The following GPR143 variants were observed in gnomAD, a reference collection of about 807,000 sequenced individuals.
GPR143 encodes the protein G protein-coupled receptor 143.
A neutral mutation model predicts 27.6 loss-of-function variants in GPR143; 8 were observed. The ratio of observed to expected loss-of-function variants is 0.29; its 90% CI spans 0.17 to 0.52. GPR143 has a LOEUF of 0.52. Among genes scored for constraint, GPR143 ranks in the 20% least tolerant of loss-of-function variants. The probability of loss-of-function intolerance (pLI) is 0.96; values close to 1 mark genes in which losing one functional copy is unlikely to be tolerated. For synonymous variants in GPR143, 156 were observed against 153.2 expected (o/e 1.02, Z -0.13); for missense variants, 303 against 343.1 (o/e 0.88, Z 0.92).
chrX:9,760,248 C>T (rs1013183737), intron 2 of GPR143, among the ~76,000 whole-genome samples: 11 of 110,529 alleles, frequency 1.0e-4, no homozygotes, highest in Admixed American at 1.9e-4. Context: ...CACACCACCA[C>T]GCCGAGCTAA....
chrX:9,762,985 G>T (rs763207656), intron 1 of GPR143, among the ~76,000 whole-genome samples: 1 of 111,255 alleles, frequency 9.0e-6, no homozygotes, highest in African/African-American at 3.3e-5. Context: ...TGTCACCCAG[G>T]CTGGATCGTA....
chrX:9,739,103 T>C (rs1678307634), intron 8 of GPR143, among the ~76,000 whole-genome samples: 2 of 112,683 alleles, frequency 1.8e-5, no homozygotes, highest in Non-Finnish European at 3.7e-5. Flanking sequence ...TTATTTTTCT[T>C]ACTCCAAATT....
At chrX:9,760,978 G>T in intron 1 of GPR143, 152 bp from the exon 2 acceptor site, 1 of 420,596 alleles carries the variant, frequency 2.4e-6, no homozygotes, top group Non-Finnish European at 4.3e-6. Flanking sequence ...AGAGAGGGAG[G>T]GAAAAAGACA....
upstream of GPR143, among the ~76,000 whole-genome samples, chrX:9,770,357 G>GAGAGAGAGAGAGA (rs1569127506): frequency 6.4e-5 from 6 of 93,786 alleles, no homozygotes; most frequent in African/African-American, 2.4e-4. Context: ...GAGAGAGAGA[G>GAGAGAGAGAGAGA]GAAGACCAGC....
chrX:9,777,807 G>A (rs1009754892), intron 1 of GPR143, among the ~76,000 whole-genome samples: 4 of 105,858 alleles, frequency 3.8e-5, no homozygotes, highest in Non-Finnish European at 5.8e-5. Context: ...AAAAAAAAAG[G>A]GGGCCAGGTG....
At chrX:9,770,824 G>T (rs995756432), upstream of GPR143, among the ~76,000 whole-genome samples, 2 of 112,124 alleles carry the variant, frequency 1.8e-5, no homozygotes, top group African/African-American at 6.5e-5. Context: ...TCCTGAGAAA[G>T]GATTTCAGCT....
intron 1 of GPR143, among the ~76,000 whole-genome samples, chrX:9,773,192 TTGCCTGCCTAAAGACATC>T (rs2083560258): frequency 8.9e-6 from 1 of 112,067 alleles, no homozygotes; most frequent in African/African-American, 3.2e-5. Flanking sequence ...GTTCTCACAT[TTGCCTGCCTAAAGACATC>T]TGTCTGCCTA....
At chrX:9,765,876 A>G (rs1441251889), upstream of GPR143, 1 of 1,001,621 alleles carries the variant, frequency 1.0e-6, no homozygotes, top group Non-Finnish European at 1.3e-6. Context: ...TGCCTGGGTC[A>G]TGTGCTGGGC....
intron 1 of GPR143, among the ~76,000 whole-genome samples, chrX:9,774,901 T>C (rs919068730): frequency 2.7e-5 from 3 of 111,434 alleles, no homozygotes; most frequent in Non-Finnish European, 5.7e-5. Context: ...TCTCGCTCTG[T>C]TGCCCAAGCT....
intron 8 of GPR143, among the ~76,000 whole-genome samples, chrX:9,731,636 T>TA (rs1238239705): frequency 9.0e-6 from 1 of 110,831 alleles, no homozygotes; most frequent in Non-Finnish European, 1.9e-5. Context: ...AATGAGGCAC[T>TA]ATGGGACAGA....
At chrX:9,734,253 G>C (rs2083369283) in intron 8 of GPR143, among the ~76,000 whole-genome samples, 1 of 110,721 alleles carries the variant, frequency 9.0e-6, no homozygotes, top group African/African-American at 3.3e-5. Flanking sequence ...GGGGACTGTG[G>C]GGAAGAATGC....
intron 1 of GPR143, among the ~76,000 whole-genome samples, chrX:9,762,087 AAAAAG>A (rs1212161367): frequency 9.2e-6 from 1 of 108,141 alleles, no homozygotes; most frequent in East Asian, 2.9e-4. Context: ...ACCCTGTGTC[AAAAAG>A]AAAAGAAAAG....
At chrX:9,761,948 G>C (rs1455423685) in intron 1 of GPR143, among the ~76,000 whole-genome samples, 2 of 111,986 alleles carry the variant, frequency 1.8e-5, no homozygotes, top group African/African-American at 6.5e-5. Flanking sequence ...TTAGCTGGAG[G>C]TGGTGGCACG....
intron 8 of GPR143, among the ~76,000 whole-genome samples, chrX:9,728,639 TAAAAAAAAAAAAAA>T (rs57462205): frequency 3.6e-4 from 7 of 19,199 alleles, no homozygotes; most frequent in African/African-American, 7.3e-4. Flanking sequence ...CCCTATCTCT[TAAAAAAAAAAAAAA>T]AAAAAAAAAA....
chrX:9,725,807 G>A lies in GPR143; in HGVS notation c.1154C>T (p.Ala385Val). 8.3e-7 allele frequency: 1 copy of A among 1,209,329 alleles called. No homozygotes were observed. The highest frequency in any genetic ancestry group is 1.1e-6 in the Non-Finnish European group (1 of 893,929). The change falls in exon 9 of 9, where the codon GCA (alanine) becomes GTA (valine). Residue 385 changes from alanine (A) to valine (V), a missense_variant. Coordinates refer to ENST00000467482, the MANE Select transcript of GPR143 (RefSeq NM_000273.3). Reference sequence around the variant, plus strand: ...CTCATTTTTGTTGCAGGATTCACTTGCAGTGTGAATTTCAATTGTGCTGGC... The same window carrying A: ...CTCATTTTTGTTGCAGGATTCACTTACAGTGTGAATTTCAATTGTGCTGGC... ...SDASTIEIHT[A>V]SESCNKNEGD...
rs754554372 is a variant in GPR143 at position 9,775,567 on chromosome X, G to A, written c.-3+10675C>T. Reference sequence around the variant, plus strand: ...GGCACCAGCAGAGGGGAAGGAACTCGTCTAAGATCACACATCTGGTGGAGC... The same window carrying A: ...GGCACCAGCAGAGGGGAAGGAACTCATCTAAGATCACACATCTGGTGGAGC... On this transcript the variant is annotated intron_variant, in intron 1 of 7. Transcript: ENST00000447366. Among the ~76,000 whole-genome samples, 7 of 111,905 alleles carry A rather than the reference G, an allele frequency of 6.3e-5. No individual in the cohort carries two copies. The East Asian group carries it at 1.1e-3, about 18-fold the overall frequency.
chrX:9,775,101 A>G (rs1443626767), intron 1 of GPR143, among the ~76,000 whole-genome samples: 1 of 111,768 alleles, frequency 8.9e-6, no homozygotes, highest in Non-Finnish European at 1.9e-5. Flanking sequence ...GCCTCAAGCA[A>G]TCCTCCCACT....
intron 3 of GPR143, among the ~76,000 whole-genome samples, chrX:9,751,718 A>G (rs771822158): frequency 8.9e-6 from 1 of 112,640 alleles, no homozygotes; most frequent in South Asian, 3.7e-4. Flanking sequence ...AACCTTGCAG[A>G]TGGCACTAAA....
chrX:9,736,492 G>A (rs942643496), intron 8 of GPR143, among the ~76,000 whole-genome samples: 2 of 111,049 alleles, frequency 1.8e-5, no homozygotes, highest in African/African-American at 6.6e-5. Context: ...GTCTCACTAT[G>A]TTGCCCAGTC....
Sources: allele counts gnomAD v4.1 joint callset (sites outside exome capture counted in the v4.1 genomes callset), GRCh38; gene constraint gnomAD v4.1.1; transcripts MANE v1.5; gene names NCBI Gene and HGNC (gene_info 2026-07-23, HGNC 2026-07-21).